HMGB1: variants seen among roughly 807,000 people sequenced by gnomAD.
HMGB1 encodes the protein high mobility group protein B1.
For synonymous variants in HMGB1, 81 were observed against 84.0 expected, an observed-to-expected ratio of 0.96 and a Z score of 0.19; for missense variants, 79 against 253.5, an observed-to-expected ratio of 0.31 and a Z score of 4.67.
intron 1 of HMGB1, among the ~76,000 whole-genome samples, chr13:30,533,690 G>C (rs1403889747): frequency 4.6e-5 from 7 of 151,982 alleles, no homozygotes; most frequent in African/African-American, 1.7e-4. Flanking sequence ...ATGACTCTCA[G>C]TAAGACCAAT....
At chr13:30,484,765 AAGAGG>A (rs71858402) in intron 1 of HMGB1, among the ~76,000 whole-genome samples, 71,296 of 150,352 alleles carry the variant, frequency 0.47, 18,858 homozygotes, top group Non-Finnish European at 0.59. Context: ...AGGAAGAGGA[AAGAGG>A]AGAGGAGAGG....
chr13:30,529,180 C>T (rs570699823), intron 1 of HMGB1, among the ~76,000 whole-genome samples: 14 of 152,018 alleles, frequency 9.2e-5, no homozygotes, highest in Non-Finnish European at 1.8e-4. Context: ...GCAATGGTGT[C>T]TGTGAGTTTC....
rs568162478 is a variant in HMGB1 at position 30,610,873 on chromosome 13, T to C, written c.-15+5798A>G. Among the ~76,000 whole-genome samples the C allele has an allele frequency of 3.9e-5, 6 of 152,322 alleles. No individual in the cohort carries two copies. The South Asian group carries it at 8.3e-4, about 21-fold the overall frequency. ...TTTAACTTATGTGGTGAGAACCATATATTAAAGACCACCAGTGGCTTAAAA... is the reference window on the plus strand; with the variant it reads ...TTTAACTTATGTGGTGAGAACCATACATTAAAGACCACCAGTGGCTTAAAA... On this transcript the variant is annotated intron_variant, in intron 1 of 4. Coordinates refer to the HMGB1 transcript ENST00000405805.
chr13:30,603,922 T>C (rs1358939262), intron 1 of HMGB1, among the ~76,000 whole-genome samples: 20 of 152,232 alleles, frequency 1.3e-4, no homozygotes, highest in Admixed American at 1.3e-3. Context: ...TCTAATATTA[T>C]GGATCCACAG....
intron 1 of HMGB1, among the ~76,000 whole-genome samples, chr13:30,575,483 T>C (rs1027470531): frequency 2.6e-5 from 4 of 152,202 alleles, no homozygotes; most frequent in Non-Finnish European, 5.9e-5. Flanking sequence ...GGTTCATTTA[T>C]AGTAGATACT....
At chr13:30,560,472 T>C (rs1869900824) in intron 1 of HMGB1, among the ~76,000 whole-genome samples, 1 of 152,184 alleles carries the variant, frequency 6.6e-6, no homozygotes. Flanking sequence ...AGCTACTCTT[T>C]CAAGAAGCTC....
chr13:30,471,686 G>C (rs1408093700), intron 1 of HMGB1, among the ~76,000 whole-genome samples: 1 of 18,316 alleles, frequency 5.5e-5, no homozygotes, highest in Non-Finnish European at 1.2e-4. Context: ...TTTTTTTTTT[G>C]AGATGGAGTT....
intron 1 of HMGB1, among the ~76,000 whole-genome samples, chr13:30,498,962 T>G (rs1305541610): frequency 6.6e-6 from 1 of 150,496 alleles, no homozygotes; most frequent in African/African-American, 2.4e-5. Context: ...TTTTGTTTTT[T>G]TTTTTTTTGA....
intron 1 of HMGB1, among the ~76,000 whole-genome samples, chr13:30,497,951 T>G (rs1887649188): frequency 6.6e-6 from 1 of 152,184 alleles, no homozygotes; most frequent in African/African-American, 2.4e-5. Flanking sequence ...TAGAATGATT[T>G]CTAGTCCTTT....
intron 1 of HMGB1, among the ~76,000 whole-genome samples, chr13:30,472,495 G>A (rs561683328): frequency 3.9e-5 from 6 of 152,276 alleles, no homozygotes; most frequent in East Asian, 1.9e-4. Context: ...CAGCTACTCC[G>A]GAGGCTGAGG....
intron 1 of HMGB1, among the ~76,000 whole-genome samples, chr13:30,535,106 G>C (rs902019849): frequency 6.6e-6 from 1 of 152,194 alleles, no homozygotes; most frequent in Non-Finnish European, 1.5e-5. Flanking sequence ...CTCTCATAAT[G>C]AATCTTTGGA....
chr13:30,605,873 ATT>A, intron 1 of HMGB1, among the ~76,000 whole-genome samples: 1 of 152,180 alleles, frequency 6.6e-6, no homozygotes. Context: ...TGTACTGTGT[ATT>A]GTTTGAGGAT....
intron 1 of HMGB1, among the ~76,000 whole-genome samples, chr13:30,481,269 A>T (rs1047677453): frequency 7.3e-6 from 1 of 137,542 alleles, no homozygotes; most frequent in African/African-American, 2.7e-5. Context: ...GGAGAAAAAA[A>T]AAACACACAG....
intron 1 of HMGB1, among the ~76,000 whole-genome samples, chr13:30,574,485 G>A (rs546634134): frequency 2.0e-5 from 3 of 152,250 alleles, no homozygotes; most frequent in African/African-American, 7.2e-5. Flanking sequence ...CAACATAATC[G>A]ACGGTAAAAA....
At chr13:30,587,173 G>T (rs1297926963) in intron 1 of HMGB1, among the ~76,000 whole-genome samples, 1 of 152,098 alleles carries the variant, frequency 6.6e-6, no homozygotes, top group Non-Finnish European at 1.5e-5. Flanking sequence ...ATCAGTACTG[G>T]TGTCAAAGAA....
intron 1 of HMGB1, among the ~76,000 whole-genome samples, chr13:30,597,537 T>A (rs747786276): frequency 4.1e-4 from 63 of 152,298 alleles, no homozygotes; most frequent in Admixed American, 2.1e-3. Flanking sequence ...TTAACACTGG[T>A]CTAAAATAGG....
chr13:30,611,557 G>A (rs1950513196), intron 1 of HMGB1, among the ~76,000 whole-genome samples: 1 of 152,186 alleles, frequency 6.6e-6, no homozygotes, highest in Non-Finnish European at 1.5e-5. Flanking sequence ...ACCTTTGTGA[G>A]GGTCTTCCTA....
intron 1 of HMGB1, chr13:30,465,049 AAG>A (rs1436898088): frequency 2.8e-5 from 16 of 570,890 alleles, no homozygotes; most frequent in South Asian, 2.3e-4. Flanking sequence ...GGGCTGTGAA[AAG>A]AGAGAGGAAA....
chr13:30,583,025 T>C (rs1870972289), intron 1 of HMGB1, among the ~76,000 whole-genome samples: 2 of 152,186 alleles, frequency 1.3e-5, no homozygotes. Context: ...TCCATACTGA[T>C]CTATTTTTTT....
Sources: allele counts gnomAD v4.1 joint callset (sites outside exome capture counted in the v4.1 genomes callset), GRCh38; gene constraint gnomAD v4.1.1; transcripts MANE v1.5; gene names NCBI Gene and HGNC (gene_info 2026-07-23, HGNC 2026-07-21).